The following REV3L variants were observed in gnomAD, a reference collection of about 807,000 sequenced individuals.
REV3L encodes DNA polymerase zeta catalytic subunit.
A neutral mutation model predicts 299.4 loss-of-function variants in REV3L; 69 were observed. The ratio of observed to expected loss-of-function variants is 0.23; its 90% CI spans 0.19 to 0.28. The LOEUF (loss-of-function observed/expected upper bound fraction) is 0.28, where lower values mean the gene tolerates loss of function less well. REV3L is among the 10% of genes least tolerant of loss of function. The probability of loss-of-function intolerance (pLI) is 1.00; values close to 1 mark genes in which losing one functional copy is unlikely to be tolerated. For synonymous variants in REV3L, 1,238 were observed against 1,271.4 expected (o/e 0.97, Z 0.56); for missense variants, 3,128 against 3,693.8 (o/e 0.85, Z 3.97).
Position 111,372,932 on chromosome 6 carries a change from C to T in REV3L, c.5423G>A (p.Gly1808Glu). Residue 1808 changes from glycine to glutamate, a missense_variant, in exon 13 of 32, where the codon GGA becomes GAA. This residue lies in a region of REV3L where 2,409 missense variants were observed against 2,611.8 expected (regional missense o/e 0.92). Coordinates refer to ENST00000368802, the MANE Select transcript of REV3L (RefSeq NM_001372078.1). ...WIQGHTRKEM[G>E]QSLDSANTSF... ...GGTATTGGCTGAGTCAAGAGACTGT[C>T]CCATTTCTTTTCTGGTGTGACCTTG... 6.2e-7 allele frequency: 1 copy of T among 1,614,018 alleles called. No homozygotes were observed. Among genetic ancestry groups the T allele is most frequent in the Admixed American group, 1.7e-5 (1 of 60,022 alleles).
chr6:111,321,577 G>C (rs1774197116), intron 26 of REV3L, among the ~76,000 whole-genome samples: 1 of 152,122 alleles, frequency 6.6e-6, no homozygotes. Flanking sequence ...GATAATTAGG[G>C]CCTGGATAAT....
intron 2 of REV3L, among the ~76,000 whole-genome samples, chr6:111,414,963 C>G (rs1395039186): frequency 6.6e-6 from 1 of 151,902 alleles, no homozygotes; most frequent in Non-Finnish European, 1.5e-5. Flanking sequence ...ATTTTCTTAC[C>G]CAGATTAATG....
At chr6:111,476,037 T>C (rs1035041691) in intron 1 of REV3L, among the ~76,000 whole-genome samples, 3 of 152,262 alleles carry the variant, frequency 2.0e-5, no homozygotes, top group African/African-American at 7.2e-5. Context: ...TCTGAAATGC[T>C]TGGGACCAGA....
chr6:111,395,099 T>C (rs1461214590), intron 4 of REV3L, among the ~76,000 whole-genome samples: 1 of 152,216 alleles, frequency 6.6e-6, no homozygotes, highest in Non-Finnish European at 1.5e-5. Context: ...CATGCTGATT[T>C]GGTTACTAAA....
Position 111,412,113 on chromosome 6 carries a change from C to T in REV3L, c.330-559G>A, listed in dbSNP as rs1239679840. ...AGTTCAATAAGCAGAGACAATGTAC[C>T]TATTATATGTACACACAGCATGTAT... is the stretch of plus-strand genomic sequence containing the variant. On this transcript the variant is annotated intron_variant, in intron 2 of 31. Coordinates refer to ENST00000368802, the MANE Select transcript of REV3L (RefSeq NM_001372078.1). 3.0e-6 allele frequency: 3 copies of T among 984,710 alleles called. No homozygotes were observed. The African/African-American group carries it at 5.2e-5, about 17-fold the overall frequency. 61.0% of individuals were successfully genotyped at this position (984,710 alleles called of 1,614,324 possible). A position where few individuals can be genotyped will look rare whatever the true frequency, so the allele number is the denominator to read the frequency against.
At chr6:111,418,535 A>C (rs1277254374) in intron 1 of REV3L, among the ~76,000 whole-genome samples, 2 of 152,214 alleles carry the variant, frequency 1.3e-5, no homozygotes, top group Non-Finnish European at 2.9e-5. Flanking sequence ...TTTACTCAGC[A>C]GGTAATAGGG....
chr6:111,412,011 GTTC>G (rs1336497460), intron 2 of REV3L: 16 of 985,220 alleles, frequency 1.6e-5, no homozygotes, highest in South Asian at 9.4e-5. Flanking sequence ...AAAAACTGAA[GTTC>G]TTCTTCAACA....
At chr6:111,349,358 G>A (rs767098224) in intron 19 of REV3L, 22 bp from the exon 20 acceptor site, 1 of 1,198,814 alleles carries the variant, frequency 8.3e-7, no homozygotes, top group Non-Finnish European at 1.2e-6. Context: ...AAAACAGACT[G>A]TATCAGGGCT....
At chr6:111,436,595 T>TA (rs1787582316) in intron 1 of REV3L, among the ~76,000 whole-genome samples, 1 of 152,056 alleles carries the variant, frequency 6.6e-6, no homozygotes, top group South Asian at 2.1e-4. Flanking sequence ...CTCATGAAGA[T>TA]ATAGAGTAGA....
intron 4 of REV3L, among the ~76,000 whole-genome samples, chr6:111,395,809 G>A (rs1056568497): frequency 1.3e-5 from 2 of 152,124 alleles, no homozygotes; most frequent in Non-Finnish European, 2.9e-5. Flanking sequence ...CATTCAGTAA[G>A]ATGTTAAATG....
rs866408093 is a variant in REV3L, at chr6:111,366,215, G to T, written c.6674-871C>A. Among the ~76,000 whole-genome samples, 7 of 152,182 alleles carry T rather than the reference G, an allele frequency of 4.6e-5. No individual in the cohort carries two copies. The South Asian group carries it at 1.2e-3, about 27-fold the overall frequency. On this transcript the variant is annotated intron_variant, in intron 14 of 31. Transcript: ENST00000368802. Reference sequence around the variant, plus strand: ...GTGTGTTGGGGAAGTGGTGGTGAATGTATGCGGTGAGATCATGAATTGGTT... The same window carrying T: ...GTGTGTTGGGGAAGTGGTGGTGAATTTATGCGGTGAGATCATGAATTGGTT...
Position 111,375,163 on chromosome 6 carries a change from C to T in REV3L, c.3192G>A (p.Arg1064=). ...TTCTTTTAATATTTTCATTATTTGT[C>T]CTTTGTTGTTTACCAGTTTTTTTCT... is the stretch of plus-strand genomic sequence containing the variant. ...SAKKKTGKQQ[R]TNNENIKRTL... is the part of the protein sequence containing the mutation. Residue 1064 remains arginine (R), a synonymous_variant, in exon 13 of 32, where the codon AGG becomes AGA. Transcript: ENST00000368802. 1.2e-6 allele frequency: 2 copies of T among 1,608,156 alleles called. No individual in the cohort carries two copies. The highest frequency in any genetic ancestry group is 2.2e-5 in the East Asian group (1 of 44,846).
At chr6:111,470,174 TCACACACACACACACACA>T (rs6149753) in intron 1 of REV3L, among the ~76,000 whole-genome samples, 75,463 of 150,206 alleles carry the variant, frequency 0.5, 19,676 homozygotes, top group South Asian at 0.61. Context: ...TTACTATCTC[TCACACACACACACACACA>T]CACACACACA....
intron 4 of REV3L, among the ~76,000 whole-genome samples, chr6:111,403,029 T>C (rs1181824350): frequency 6.6e-6 from 1 of 152,192 alleles, no homozygotes; most frequent in African/African-American, 2.4e-5. Context: ...AAATAAAATG[T>C]AGTGTATTCA....
At chr6:111,436,325 C>T (rs1042083655) in intron 1 of REV3L, among the ~76,000 whole-genome samples, 1 of 152,092 alleles carries the variant, frequency 6.6e-6, no homozygotes, top group African/African-American at 2.4e-5. Flanking sequence ...TCTGTACTCC[C>T]ATGTTTATTG....
intron 1 of REV3L, chr6:111,430,128 GA>G: frequency 1.3e-6 from 1 of 788,226 alleles, no homozygotes; most frequent in African/African-American, 1.7e-5. Flanking sequence ...GAATGAGGCA[GA>G]AAAAGACCTC....
rs780896374 is a variant in REV3L, at chr6:111,349,210, T to C, written c.7419+8A>G. 1 of 1,342,778 alleles carries C rather than the reference T, an allele frequency of 7.4e-7. No individual in the cohort carries two copies. Among genetic ancestry groups the C allele is most frequent in the South Asian group, 1.2e-5 (1 of 83,678 alleles). The allele number at this position is 1,342,778 out of a possible 1,614,324, so 83.2% of individuals were successfully genotyped here. A position where few individuals can be genotyped will look rare whatever the true frequency, so the allele number is the denominator to read the frequency against. On this transcript the variant is annotated splice_region_variant and intron_variant, in intron 20 of 31. Coordinates refer to ENST00000368802, the MANE Select transcript of REV3L (RefSeq NM_001372078.1). ...ATTTCTAAACAACATTTTGGATAAA[T>C]CACCCACCTCATTTCTCATGATTCT...
intron 31 of REV3L, among the ~76,000 whole-genome samples, chr6:111,304,093 A>G (rs1771983484): frequency 6.6e-6 from 1 of 151,552 alleles, no homozygotes. Context: ...TTTGATATAT[A>G]ATCACAAGGT....
At chr6:111,396,069 C>T (rs1782467614) in intron 4 of REV3L, among the ~76,000 whole-genome samples, 1 of 152,156 alleles carries the variant, frequency 6.6e-6, no homozygotes, top group Non-Finnish European at 1.5e-5. Flanking sequence ...CTCTGTCACC[C>T]AGGCTTGAGT....
Sources: gnomAD v4.1 joint callset for allele counts (sites outside exome capture counted in the v4.1 genomes callset) on GRCh38, gnomAD v4.1.1 for gene constraint, gnomAD v4.1.1 regional missense constraint, MANE v1.5 for transcripts, NCBI Gene and HGNC (gene_info 2026-07-23, HGNC 2026-07-21) for gene names.